PLEKHM3: variants seen among roughly 807,000 people sequenced by gnomAD.
PLEKHM3 encodes the protein pleckstrin homology domain containing M3.
In PLEKHM3, 45 loss-of-function variants were observed where a neutral mutation model predicts 81.8. The ratio of observed to expected loss-of-function variants is 0.55; its 90% CI spans 0.43 to 0.71. The LOEUF (loss-of-function observed/expected upper bound fraction) is 0.71. PLEKHM3 is among the 30% of genes least tolerant of loss of function. The probability of loss-of-function intolerance (pLI) is 0.00; values close to 1 mark genes in which losing one functional copy is unlikely to be tolerated. For synonymous variants in PLEKHM3, 352 were observed against 356.4 expected (o/e 0.99, Z 0.14); for missense variants, 788 against 924.3 (o/e 0.85, Z 1.91).
At chr2:207,927,118 C>T (rs1401181362) in intron 5 of PLEKHM3, among the ~76,000 whole-genome samples, 1 of 152,040 alleles carries the variant, frequency 6.6e-6, no homozygotes, top group East Asian at 1.9e-4. Flanking sequence ...TTTTGTTCCC[C>T]ATCAACTCCT....
intron 6 of PLEKHM3, among the ~76,000 whole-genome samples, chr2:207,874,752 C>T (rs1194886715): frequency 2.6e-5 from 4 of 151,540 alleles, no homozygotes; most frequent in Non-Finnish European, 4.4e-5. Flanking sequence ...CCACCATGCT[C>T]GGCTAATTTT....
At chr2:207,882,084 C>T (rs2092594446) in intron 6 of PLEKHM3, among the ~76,000 whole-genome samples, 1 of 152,150 alleles carries the variant, frequency 6.6e-6, no homozygotes, top group Non-Finnish European at 1.5e-5. Flanking sequence ...AAACTCAAAC[C>T]CCTTTAAAGA....
Position 207,937,569 on chromosome 2 carries a change from C to T in PLEKHM3, c.1693-6450G>A, listed in dbSNP as rs1291007884. Reference sequence around the variant, plus strand: ...TGGGTAACAGAGCACGACACTGTCTCTAAAAAAAAAAAAAAAAATTCCAAG... The same window carrying T: ...TGGGTAACAGAGCACGACACTGTCTTTAAAAAAAAAAAAAAAAATTCCAAG... On this transcript the variant is annotated intron_variant, in intron 4 of 7. Coordinates refer to ENST00000427836, the MANE Select transcript of PLEKHM3 (RefSeq NM_001080475.3). 2.2e-5 allele frequency among the ~76,000 whole-genome samples: 3 copies of T among 138,840 alleles called. No homozygotes were observed. The East Asian group carries it at 6.2e-4, about 29-fold the overall frequency. The allele number at this position is 138,840 out of a possible 152,430, so 91.1% of individuals were successfully genotyped here.
At chr2:208,008,772 C>G (rs1330236257) in intron 1 of PLEKHM3, among the ~76,000 whole-genome samples, 1 of 152,224 alleles carries the variant, frequency 6.6e-6, no homozygotes, top group African/African-American at 2.4e-5. Flanking sequence ...CCCACTTAGT[C>G]TCCATCTTCT....
At chr2:207,868,950 T>C (rs2092517847) in intron 6 of PLEKHM3, 1 of 152,120 alleles carries the variant, frequency 6.6e-6, no homozygotes, top group South Asian at 2.1e-4. Flanking sequence ...TTGCTGTAAA[T>C]AAGAAAACAG....
chr2:207,924,007 C>T (rs1368974319), intron 5 of PLEKHM3, among the ~76,000 whole-genome samples: 5 of 146,436 alleles, frequency 3.4e-5, no homozygotes, highest in Non-Finnish European at 6.0e-5. Flanking sequence ...CTCCCAGGTT[C>T]GAGCGATTCT....
intron 4 of PLEKHM3, 23 bp from the exon 5 acceptor site, chr2:207,931,142 C>A: frequency 1.9e-6 from 3 of 1,591,278 alleles, no homozygotes; most frequent in South Asian, 2.3e-5. Context: ...CGTCGTCAGT[C>A]AGTCCTGGAG....
intron 7 of PLEKHM3, among the ~76,000 whole-genome samples, chr2:207,841,471 AAAAAAAAAAATATATATATAT>A (rs1320461860): frequency 6.7e-4 from 36 of 53,640 alleles, no homozygotes; most frequent in African/African-American, 3.1e-3. Flanking sequence ...AAAAAAAAAA[AAAAAAAAAAATATATATATAT>A]ATATATATAT....
intron 6 of PLEKHM3, among the ~76,000 whole-genome samples, chr2:207,895,961 A>G (rs1007677107): frequency 1.4e-4 from 21 of 152,268 alleles, no homozygotes; most frequent in African/African-American, 4.8e-4. Flanking sequence ...TGGCAAATGG[A>G]AATCCAGCCA....
intron 5 of PLEKHM3, among the ~76,000 whole-genome samples, chr2:207,912,789 A>C (rs1688850324): frequency 6.6e-6 from 1 of 152,198 alleles, no homozygotes; most frequent in Admixed American, 6.5e-5. Flanking sequence ...CTTAGAGGTA[A>C]GGGTTTCCAA....
In PLEKHM3 at chr2:207,953,328, A is replaced by G. The variant is rs76225524; in HGVS notation, c.1547-6816T>C. On this transcript the variant is annotated intron_variant, in intron 3 of 7. Coordinates refer to ENST00000427836, the MANE Select transcript of PLEKHM3 (RefSeq NM_001080475.3). ...GAGGAAATACACATGCTCAAATACA[A>G]TCCTGAAATGTACTGATGGTTGTTT... Among the ~76,000 whole-genome samples, 19 of 152,314 alleles carry G rather than the reference A, an allele frequency of 1.2e-4. No homozygotes were observed. In the East Asian group the frequency reaches 3.5e-3, roughly 28 times the overall value.
At chr2:208,014,418 C>T (rs1348540720) in intron 1 of PLEKHM3, among the ~76,000 whole-genome samples, 1 of 152,158 alleles carries the variant, frequency 6.6e-6, no homozygotes, top group African/African-American at 2.4e-5. Flanking sequence ...CCGAGGCGGG[C>T]AGATCACCTG....
At chr2:207,842,763 T>C (rs540220216) in intron 7 of PLEKHM3, among the ~76,000 whole-genome samples, 2 of 152,298 alleles carry the variant, frequency 1.3e-5, no homozygotes, top group Non-Finnish European at 2.9e-5. Context: ...TAAGCTGATA[T>C]GTAAGAAGTC....
intron 1 of PLEKHM3, among the ~76,000 whole-genome samples, chr2:208,008,529 A>C (rs1692581702): frequency 6.9e-6 from 1 of 145,058 alleles, no homozygotes; most frequent in Non-Finnish European, 1.5e-5. Flanking sequence ...AAAAAAACAG[A>C]CAAAAAAAAA....
intron 3 of PLEKHM3, among the ~76,000 whole-genome samples, chr2:207,966,664 T>C (rs1012835004): frequency 3.9e-5 from 6 of 152,164 alleles, no homozygotes; most frequent in Middle Eastern, 3.2e-3. Context: ...GAGGTTCTCC[T>C]ACCTCAGCCT....
chr2:207,948,052 A>G (rs16824808), intron 3 of PLEKHM3, among the ~76,000 whole-genome samples: 4,875 of 152,286 alleles, frequency 0.032, 231 homozygotes, highest in African/African-American at 0.11. Flanking sequence ...GTTCCTTTCT[A>G]GAATGGCTAT....
At chr2:207,889,154 C>T (rs938465544) in intron 6 of PLEKHM3, among the ~76,000 whole-genome samples, 2 of 152,094 alleles carry the variant, frequency 1.3e-5, no homozygotes, top group Non-Finnish European at 2.9e-5. Context: ...GAAAAATCTC[C>T]CCATACATTC....
At chr2:207,923,905 A>ATATATATTTTTT (rs1396762429) in intron 5 of PLEKHM3, among the ~76,000 whole-genome samples, 27 of 28,330 alleles carry the variant, frequency 9.5e-4, no homozygotes, top group Non-Finnish European at 1.6e-3. Context: ...ATATATATAT[A>ATATATATTTTTT]TTTTTTTTTT....
intron 1 of PLEKHM3, among the ~76,000 whole-genome samples, chr2:208,017,329 AG>A (rs1692955796): frequency 6.6e-6 from 1 of 152,248 alleles, no homozygotes; most frequent in Non-Finnish European, 1.5e-5. Context: ...ACCAACAAAA[AG>A]GTCACCACAT....
Sources: gnomAD v4.1 joint callset for allele counts (sites outside exome capture counted in the v4.1 genomes callset) on GRCh38, gnomAD v4.1.1 for gene constraint, MANE v1.5 for transcripts, NCBI Gene and HGNC (gene_info 2026-07-23, HGNC 2026-07-21) for gene names.